ST6GALNAC3: variants seen among roughly 807,000 people sequenced by gnomAD.
The protein encoded by ST6GALNAC3 is alpha-N-acetylgalactosaminide alpha-2,6-sialyltransferase 3.
A neutral mutation model predicts 32.7 loss-of-function variants in ST6GALNAC3; 25 were observed. The ratio of observed to expected loss-of-function variants is 0.76; its 90% CI spans 0.56 to 1.07. The LOEUF (loss-of-function observed/expected upper bound fraction) is 1.07. Ranked by LOEUF, ST6GALNAC3 falls within the 50% of genes least tolerant of loss-of-function variation. ST6GALNAC3 has a pLI of 0.00. For missense variants in ST6GALNAC3, 355 were observed against 382.4 expected, an observed-to-expected ratio of 0.93 and a Z score of 0.60; for synonymous variants, 129 against 133.1, an observed-to-expected ratio of 0.97 and a Z score of 0.21.
At chr1:76,262,421 C>T (rs1026972853) in intron 1 of ST6GALNAC3, among the ~76,000 whole-genome samples, 7 of 152,132 alleles carry the variant, frequency 4.6e-5, no homozygotes, top group African/African-American at 7.2e-5. Flanking sequence ...GGAACATTTG[C>T]TGTAATACTT....
intron 3 of ST6GALNAC3, among the ~76,000 whole-genome samples, chr1:76,626,511 C>T (rs1319668657): frequency 6.6e-6 from 1 of 151,936 alleles, no homozygotes; most frequent in African/African-American, 2.4e-5. Context: ...ATCAGCACTT[C>T]ATCCAAGTAC....
chr1:76,511,003 C>T (rs75788304), intron 3 of ST6GALNAC3, among the ~76,000 whole-genome samples: 7,869 of 152,142 alleles, frequency 0.052, 598 homozygotes, highest in African/African-American at 0.17. Flanking sequence ...TATGTATTAA[C>T]TCATTTAATC....
intron 1 of ST6GALNAC3, among the ~76,000 whole-genome samples, chr1:76,184,461 C>CCTCCA (rs1653404443): frequency 6.6e-6 from 1 of 151,098 alleles, no homozygotes; most frequent in Admixed American, 6.6e-5. Flanking sequence ...ATTGCTTGAA[C>CCTCCA]CCAGGAGGTG....
intron 3 of ST6GALNAC3, among the ~76,000 whole-genome samples, chr1:76,616,617 T>A (rs1648309567): frequency 6.6e-6 from 1 of 152,144 alleles, no homozygotes; most frequent in Non-Finnish European, 1.5e-5. Flanking sequence ...ATTGGAAAAA[T>A]GACAGGCTTT....
chr1:76,300,998 A>G (rs1423179835), intron 1 of ST6GALNAC3, among the ~76,000 whole-genome samples: 1 of 152,004 alleles, frequency 6.6e-6, no homozygotes, highest in East Asian at 1.9e-4. Context: ...ATATGTGGAT[A>G]AAAAAAGGAA....
intron 3 of ST6GALNAC3, among the ~76,000 whole-genome samples, chr1:76,575,299 A>G (rs549309785): frequency 1.6e-4 from 24 of 152,214 alleles, no homozygotes; most frequent in Non-Finnish European, 2.9e-4. Context: ...GTGATTTTCA[A>G]TGGAACCTGA....
At chr1:76,116,659 G>A (rs1473203785) in intron 1 of ST6GALNAC3, among the ~76,000 whole-genome samples, 4 of 152,072 alleles carry the variant, frequency 2.6e-5, no homozygotes, top group African/African-American at 4.8e-5. Flanking sequence ...GGCTGGGTGC[G>A]GTGGCTCACA....
At chr1:76,097,725 A>G (rs769446007) in intron 1 of ST6GALNAC3, among the ~76,000 whole-genome samples, 1 of 151,946 alleles carries the variant, frequency 6.6e-6, no homozygotes, top group African/African-American at 2.4e-5. Flanking sequence ...ATATTCCACT[A>G]TTTATCTATC....
chr1:76,320,293 T>C (rs777857464), intron 2 of ST6GALNAC3, among the ~76,000 whole-genome samples: 2 of 152,202 alleles, frequency 1.3e-5, no homozygotes, highest in Non-Finnish European at 2.9e-5. Flanking sequence ...AAAGCCCTAA[T>C]GTCTATGCTG....
chr1:76,392,870 C>T lies in ST6GALNAC3; in HGVS notation c.214-19138C>T, dbSNP rs150760498. Reference sequence around the variant, plus strand: ...GATAATTGCAAGAACACATTCAAAGCGTCACTGCAAAGCCCTTGTTGTTTA... The same window carrying T: ...GATAATTGCAAGAACACATTCAAAGTGTCACTGCAAAGCCCTTGTTGTTTA... On this transcript the variant is annotated intron_variant, in intron 2 of 4. Transcript: ENST00000328299. Among the ~76,000 whole-genome samples, 670 of 152,310 alleles carry T rather than the reference C, an allele frequency of 4.4e-3. 3 individuals are homozygous for T. The highest frequency in any genetic ancestry group is 0.01 in the Middle Eastern group (3 of 294).
At chr1:76,265,924 C>T (rs1658502183) in intron 1 of ST6GALNAC3, among the ~76,000 whole-genome samples, 1 of 152,120 alleles carries the variant, frequency 6.6e-6, no homozygotes, top group East Asian at 1.9e-4. Context: ...CTGGTTAGGA[C>T]CTAGGAATCT....
At chr1:76,216,113 G>A (rs1022608331) in intron 1 of ST6GALNAC3, among the ~76,000 whole-genome samples, 3 of 151,978 alleles carry the variant, frequency 2.0e-5, no homozygotes, top group African/African-American at 7.3e-5. Flanking sequence ...ACCATCTCAG[G>A]GTCTTTGCAC....
At chr1:76,537,962 C>G (rs910442899) in intron 3 of ST6GALNAC3, among the ~76,000 whole-genome samples, 2 of 152,178 alleles carry the variant, frequency 1.3e-5, no homozygotes, top group Admixed American at 1.3e-4. Flanking sequence ...TGGTACCATT[C>G]CTTCTGAAAC....
At chr1:76,386,986 G>A (rs1040113084) in intron 2 of ST6GALNAC3, among the ~76,000 whole-genome samples, 2 of 152,092 alleles carry the variant, frequency 1.3e-5, no homozygotes, top group Admixed American at 6.5e-5. Flanking sequence ...CCTCTCTCCA[G>A]CATGGTATTT....
At chr1:76,243,619 T>G (rs1236079237) in intron 1 of ST6GALNAC3, among the ~76,000 whole-genome samples, 1 of 152,234 alleles carries the variant, frequency 6.6e-6, no homozygotes, top group Non-Finnish European at 1.5e-5. Flanking sequence ...CATCTTGAGT[T>G]AATTTTTGTA....
At chr1:76,549,470 T>C (rs1344673801) in intron 3 of ST6GALNAC3, among the ~76,000 whole-genome samples, 1 of 151,458 alleles carries the variant, frequency 6.6e-6, no homozygotes, top group Non-Finnish European at 1.5e-5. Flanking sequence ...ATAGATTATA[T>C]AAATACTAAA....
intron 1 of ST6GALNAC3, among the ~76,000 whole-genome samples, chr1:76,213,836 T>A (rs1655306635): frequency 6.6e-6 from 1 of 152,162 alleles, no homozygotes; most frequent in African/African-American, 2.4e-5. Context: ...TCAGACTACA[T>A]GCTTTAGATG....
At chr1:76,537,181 A>C (rs1663664661) in intron 3 of ST6GALNAC3, among the ~76,000 whole-genome samples, 1 of 152,218 alleles carries the variant, frequency 6.6e-6, no homozygotes, top group Non-Finnish European at 1.5e-5. Flanking sequence ...AAGAATAAGA[A>C]ACTCACTCAA....
chr1:76,231,527 A>G (rs938604100), intron 1 of ST6GALNAC3, among the ~76,000 whole-genome samples: 1 of 152,040 alleles, frequency 6.6e-6, no homozygotes, highest in African/African-American at 2.4e-5. Context: ...CACAATTACC[A>G]TTTTACTTTC....
Sources: allele counts gnomAD v4.1 joint callset (sites outside exome capture counted in the v4.1 genomes callset), GRCh38; gene constraint gnomAD v4.1.1; transcripts MANE v1.5; gene names NCBI Gene and HGNC (gene_info 2026-07-23, HGNC 2026-07-21).